The following PLET1 variants were observed in gnomAD, a reference collection of about 807,000 sequenced individuals.
PLET1 encodes the protein placenta-expressed transcript 1 protein.
Under a neutral mutation model 18.5 loss-of-function variants are expected in PLET1, and 20 were observed. That is an observed-to-expected ratio of 1.08 (90% confidence interval 0.76 to 1.57). PLET1 has a LOEUF of 1.57. Ranked by LOEUF, PLET1 falls within the 40% of genes most tolerant of loss-of-function variation. The probability of loss-of-function intolerance (pLI) is 0.00; values close to 1 mark genes in which losing one functional copy is unlikely to be tolerated. For synonymous variants in PLET1, 93 were observed against 93.8 expected (o/e 0.99, Z 0.05); for missense variants, 256 against 246.4 (o/e 1.04, Z -0.26).
intron 2 of PLET1, among the ~76,000 whole-genome samples, chr11:112,254,562 GA>G (rs1860193524): frequency 1.4e-5 from 1 of 70,470 alleles, no homozygotes; most frequent in African/African-American, 4.1e-5. Context: ...GTGTATATGT[GA>G]TGTGCGTGTG....
chr11:112,252,913 C>T (rs969793839), intron 2 of PLET1, among the ~76,000 whole-genome samples: 3 of 152,126 alleles, frequency 2.0e-5, no homozygotes, highest in African/African-American at 7.2e-5. Context: ...GCACTGGTAC[C>T]GCTTGGTCTG....
At chr11:112,260,364 C>G (rs1860275241) in intron 1 of PLET1, 42 bp downstream of exon 1, 1 of 1,505,138 alleles carries the variant, frequency 6.6e-7, no homozygotes, top group African/African-American at 1.4e-5. Context: ...GTTAATTTCC[C>G]TCAGGGAACA....
At position 112,258,627 on chromosome 11, in the gene PLET1, T is replaced by G. The variant is rs750191141; in HGVS notation, c.184+1779A>C. Reference sequence around the variant, plus strand: ...CATTGCATTAGCAAAATCTTTCACCTGGAGAGGTATTATCTTAAATGCCAG... The same window carrying G: ...CATTGCATTAGCAAAATCTTTCACCGGGAGAGGTATTATCTTAAATGCCAG... On this transcript the variant is annotated intron_variant, in intron 1 of 3. Transcript: ENST00000338832. 7.9e-5 allele frequency among the ~76,000 whole-genome samples: 12 copies of G among 152,314 alleles called. No homozygotes were observed. The South Asian group carries it at 8.3e-4, about 11-fold the overall frequency.
rs1592887848 is a variant in PLET1 at position 112,248,559 on chromosome 11, T to G, written c.*240A>C. 2.0e-6 allele frequency: 1 copy of G among 507,212 alleles called. No homozygotes were observed. Among genetic ancestry groups the G allele is most frequent in the Non-Finnish European group, 3.4e-6 (1 of 290,160 alleles). 31.4% of individuals were successfully genotyped at this position (507,212 alleles called of 1,614,324 possible). A position where few individuals can be genotyped will look rare whatever the true frequency, so the allele number is the denominator to read the frequency against. ...ACCTAGGTGACTAAGTTCCGGCCAG[T>G]TCTAAATATTTTCAAAAAGTGTAAT... On this transcript the variant is annotated 3_prime_UTR_variant, in exon 4 of 4. Transcript: ENST00000338832.
intron 3 of PLET1, 51 bp downstream of exon 3, chr11:112,252,297 G>T (rs1218151449): frequency 1.9e-5 from 28 of 1,486,500 alleles, no homozygotes; most frequent in Non-Finnish European, 2.2e-5. Context: ...TAATTTTCCA[G>T]GCTGACTGAG....
chr11:112,252,899 G>A (rs915653185), intron 2 of PLET1, among the ~76,000 whole-genome samples: 1 of 152,172 alleles, frequency 6.6e-6, no homozygotes, highest in Admixed American at 6.5e-5. Flanking sequence ...GGTGCTTTAT[G>A]TTTGCACTGG....
chr11:112,257,141 G>A (rs1362167986), intron 1 of PLET1, among the ~76,000 whole-genome samples: 4 of 152,136 alleles, frequency 2.6e-5, no homozygotes, highest in Non-Finnish European at 5.9e-5. Context: ...TCCAACACAT[G>A]TTTTTGGACT....
chr11:112,253,461 C>T (rs995807714), intron 2 of PLET1, among the ~76,000 whole-genome samples: 2 of 152,106 alleles, frequency 1.3e-5, no homozygotes, highest in African/African-American at 4.8e-5. Flanking sequence ...GGGAGGCCAG[C>T]GTGTTATCGC....
Position 112,260,609 on chromosome 11 carries a change from A to G in PLET1, c.-20T>C. ...TGCCATGGTCTCAGTCTGTTTGGAA[A>G]GTGCTAGGCCTGGAATTGGGTGAAA... On this transcript the variant is annotated 5_prime_UTR_variant, in exon 1 of 4. Coordinates refer to ENST00000338832, the MANE Select transcript of PLET1 (RefSeq NM_001145024.1). 1 of 1,546,178 alleles carries G rather than the reference A, an allele frequency of 6.5e-7. No homozygotes were observed. The highest frequency in any genetic ancestry group is 8.7e-7 in the Non-Finnish European group (1 of 1,144,304).
At chr11:112,250,287 G>A (rs1019463664) in intron 3 of PLET1, among the ~76,000 whole-genome samples, 1 of 129,262 alleles carries the variant, frequency 7.7e-6, no homozygotes, top group Non-Finnish European at 1.6e-5. Flanking sequence ...GCCTAGGAGA[G>A]TCAGAGTGAC....
Position 112,260,510 on chromosome 11 carries a change from A to G in PLET1, c.80T>C (p.Phe27Ser). Residue 27 changes from phenylalanine (F) to serine (S), a missense_variant, in exon 1 of 4, where the codon TTT (phenylalanine) becomes TCT (serine). Phe to Ser is a radical substitution (Grantham distance 155). Coordinates refer to ENST00000338832, the MANE Select transcript of PLET1 (RefSeq NM_001145024.1). The part of the protein sequence containing the change: ...CLSLQLSSAT[F>S]IRYSSTCFTF... ...GAAGCAGGTGCTACTGTACCTTATA[A>G]AGGTGGCAGAAGAAAGCTGCAGACT... 1 of 1,551,674 alleles carries G rather than the reference A, an allele frequency of 6.4e-7. No homozygotes were observed. The highest frequency in any genetic ancestry group is 8.7e-7 in the Non-Finnish European group (1 of 1,146,910).
Position 112,260,686 on chromosome 11 carries a change from A to T in PLET1, c.-97T>A, listed in dbSNP as rs114791897. On this transcript the variant is annotated 5_prime_UTR_variant, in exon 1 of 4. An upstream start codon of the reference 5' UTR is lost. Coordinates refer to ENST00000338832, the MANE Select transcript of PLET1 (RefSeq NM_001145024.1). ...CCAGGGCTTCTGGGTGAAGTCATAC[A>T]TGCAGATCTTCTCCCTGCCCCTTCT... The T allele has an allele frequency of 1.2e-3, 1,254 of 1,074,482 alleles. 13 individuals are homozygous for T. The African/African-American group carries it at 0.018, about 15-fold the overall frequency. 66.6% of individuals were successfully genotyped at this position (1,074,482 alleles called of 1,614,324 possible). A position where few individuals can be genotyped will look rare whatever the true frequency, so the allele number is the denominator to read the frequency against.
chr11:112,248,439 A>G lies in PLET1; in HGVS notation c.*360T>C. The G allele has an allele frequency of 2.5e-6, 1 of 403,156 alleles. No homozygotes were observed. Among genetic ancestry groups the G allele is most frequent in the Non-Finnish European group, 4.4e-6 (1 of 229,540 alleles). 25.0% of individuals were successfully genotyped at this position (403,156 alleles called of 1,614,324 possible). ...GAAAGTAAGGAAGGATTCTTCCCAC[A>G]GAAACTCAGAGGTTGCAGGGGAATC... On this transcript the variant is annotated 3_prime_UTR_variant, in exon 4 of 4. Transcript: ENST00000338832.
intron 3 of PLET1, among the ~76,000 whole-genome samples, chr11:112,249,467 C>G (rs889935097): frequency 2.6e-5 from 4 of 152,150 alleles, no homozygotes; most frequent in African/African-American, 9.7e-5. Flanking sequence ...GTGCCCAGTC[C>G]AAAGCCCCGA....
chr11:112,255,525 G>GTCAC lies in PLET1; in HGVS notation c.245_248dup (p.Asp83GlufsTer2). Reference sequence around the variant, plus strand: ...CCGCTCTTTGCCAGAGGCCCGCTGAGTCACTGTTCTCGTCCAAGGTTTTCA... The same window carrying GTCAC: ...CCGCTCTTTGCCAGAGGCCCGCTGAGTCACTCACTGTTCTCGTCCAAGGTTTTCA... On this transcript the variant is annotated stop_gained and frameshift_variant, in exon 2 of 4. Coordinates refer to ENST00000338832, the MANE Select transcript of PLET1 (RefSeq NM_001145024.1). LOFTEE classifies it high-confidence loss of function. 6.4e-7 allele frequency: 1 copy of GTCAC among 1,551,648 alleles called. No homozygotes were observed. The highest frequency in any genetic ancestry group is 8.7e-7 in the Non-Finnish European group (1 of 1,146,860).
In PLET1 at chr11:112,250,795, C is replaced by G. The variant is rs188311101; in HGVS notation, c.448+1553G>C. Reference sequence around the variant, plus strand: ...GCTCTATCGGGATCTGATATCAAGACCCCCCTTTTCCAGTAACATTTACAC... The same window carrying G: ...GCTCTATCGGGATCTGATATCAAGAGCCCCCTTTTCCAGTAACATTTACAC... On this transcript the variant is annotated intron_variant, in intron 3 of 3. Transcript: ENST00000338832. 5.9e-4 allele frequency among the ~76,000 whole-genome samples: 90 copies of G among 152,174 alleles called. 1 individual carries two copies. The highest frequency in any genetic ancestry group is 1.1e-3 in the Non-Finnish European group (78 of 68,028).
chr11:112,260,201 C>G, intron 1 of PLET1: 1 of 546,642 alleles, frequency 1.8e-6, no homozygotes, highest in Non-Finnish European at 3.1e-6. Context: ...GCTCCTGTGG[C>G]TTGAGTTCAC....
At chr11:112,254,218 T>TGTGTGTGTGTGTGTGTGG (rs1247573835) in intron 2 of PLET1, among the ~76,000 whole-genome samples, 1 of 139,270 alleles carries the variant, frequency 7.2e-6, no homozygotes, top group African/African-American at 2.8e-5. Flanking sequence ...TGTGTGTGTG[T>TGTGTGTGTGTGTGTGTGG]GAAAAGGGGG....
At chr11:112,258,790 G>A in intron 1 of PLET1, among the ~76,000 whole-genome samples, 1 of 152,176 alleles carries the variant, frequency 6.6e-6, no homozygotes, top group Admixed American at 6.5e-5. Context: ...CTGCCTGAGG[G>A]AGTGGGACAT....
Sources: allele counts gnomAD v4.1 joint callset (sites outside exome capture counted in the v4.1 genomes callset), GRCh38; gene constraint gnomAD v4.1.1; transcripts MANE v1.5; gene names NCBI Gene and HGNC (gene_info 2026-07-23, HGNC 2026-07-21).